GAS7: variants seen among roughly 807,000 people sequenced by gnomAD.
The protein encoded by GAS7 is growth arrest specific 7.
GAS7 carries 28 observed loss-of-function variants against 71.1 expected under a neutral mutation model. That is an observed-to-expected ratio of 0.39 (90% CI 0.29 to 0.54). The LOEUF (loss-of-function observed/expected upper bound fraction) is 0.54, where lower values mean the gene tolerates loss of function less well. Ranked by LOEUF, GAS7 falls within the 20% of genes least tolerant of loss-of-function variation. GAS7 has a pLI of 0.62. For missense variants in GAS7, 436 were observed against 627.8 expected (o/e 0.69, Z 3.27); for synonymous variants, 258 against 245.8 (o/e 1.05, Z -0.46).
At chr17:10,036,223 C>T (rs922253572) in intron 1 of GAS7, among the ~76,000 whole-genome samples, 3 of 151,882 alleles carry the variant, frequency 2.0e-5, no homozygotes, top group Non-Finnish European at 2.9e-5. Flanking sequence ...CAATGACCCA[C>T]GTCTTTTTTT....
chr17:10,017,323 C>CT (rs1209394276), intron 2 of GAS7, among the ~76,000 whole-genome samples: 8,330 of 141,996 alleles, frequency 0.059, 415 homozygotes, highest in African/African-American at 0.12. Context: ...TCATCTTCCA[C>CT]TTTTTTTTTT....
chr17:10,005,084 T>TGTGC (rs140102794), intron 2 of GAS7, among the ~76,000 whole-genome samples: 34,482 of 150,002 alleles, frequency 0.23, 6,269 homozygotes, highest in African/African-American at 0.52. Flanking sequence ...CATACATGCG[T>TGTGC]GTGTGCACGC....
chr17:10,043,319 A>T (rs1025092335), intron 1 of GAS7, among the ~76,000 whole-genome samples: 2 of 152,122 alleles, frequency 1.3e-5, no homozygotes, highest in Admixed American at 1.3e-4. Flanking sequence ...CTACATGGGG[A>T]ATGAACGATG....
chr17:10,155,251 G>A lies in GAS7; in HGVS notation c.183+42957C>T, dbSNP rs371818416. ...GGCTGGTCTCGAACTCCTGACCTCA[G>A]GTGATCCACCCATCTCGGCCTCCCA... On this transcript the variant is annotated intron_variant, in intron 1 of 13. Coordinates refer to ENST00000432992, the MANE Select transcript of GAS7 (RefSeq NM_201433.2). 1.2e-4 allele frequency among the ~76,000 whole-genome samples: 18 copies of A among 151,964 alleles called. 1 individual carries two copies. The highest frequency in any genetic ancestry group is 9.7e-4 in the East Asian group (5 of 5,180).
intron 1 of GAS7, among the ~76,000 whole-genome samples, chr17:10,064,471 G>C (rs973602806): frequency 6.6e-6 from 1 of 152,210 alleles, no homozygotes; most frequent in Non-Finnish European, 1.5e-5. Flanking sequence ...AGGTTTCCGG[G>C]AGCAAGTGGC....
intron 1 of GAS7, chr17:10,114,403 C>G (rs903318060): frequency 1.3e-4 from 20 of 152,156 alleles, no homozygotes; most frequent in African/African-American, 4.1e-4. Context: ...CTCTGCAAAT[C>G]TGAGCTGTAA....
chr17:9,990,324 G>A (rs2070792890), intron 2 of GAS7, among the ~76,000 whole-genome samples: 1 of 152,192 alleles, frequency 6.6e-6, no homozygotes, highest in Non-Finnish European at 1.5e-5. Flanking sequence ...AGGAGCCAAA[G>A]TTCCTTGCCA....
At chr17:10,129,546 A>G (rs1278102323) in intron 1 of GAS7, among the ~76,000 whole-genome samples, 1 of 152,210 alleles carries the variant, frequency 6.6e-6, no homozygotes, top group Non-Finnish European at 1.5e-5. Flanking sequence ...AACAAAACAA[A>G]AAAACTCTTC....
intron 1 of GAS7, among the ~76,000 whole-genome samples, chr17:10,196,238 C>G (rs899739959): frequency 2.0e-5 from 3 of 152,206 alleles, no homozygotes; most frequent in Non-Finnish European, 4.4e-5. Context: ...ACTCAGTCAT[C>G]TGAGCTGCTA....
At chr17:10,151,137 T>A (rs947699079) in intron 1 of GAS7, among the ~76,000 whole-genome samples, 3 of 152,204 alleles carry the variant, frequency 2.0e-5, no homozygotes, top group African/African-American at 7.2e-5. Flanking sequence ...CTTAAAAGCA[T>A]ATTTCCAGAT....
At chr17:9,993,882 A>G (rs1277350371) in intron 2 of GAS7, among the ~76,000 whole-genome samples, 1 of 152,194 alleles carries the variant, frequency 6.6e-6, no homozygotes, top group Non-Finnish European at 1.5e-5. Flanking sequence ...CTTATACACC[A>G]ATAACAGACA....
Position 10,047,362 on chromosome 17 carries a change from T to G in GAS7, c.184-27465A>C, listed in dbSNP as rs929247769. ...GCCAATTCGAAAACAGAAACTGGAC[T>G]GAGAGATGGGTGCACCATCGAACCC... On this transcript the variant is annotated intron_variant, in intron 1 of 13. Coordinates refer to ENST00000432992, the MANE Select transcript of GAS7 (RefSeq NM_201433.2). 6.6e-5 allele frequency among the ~76,000 whole-genome samples: 10 copies of G among 152,258 alleles called. No homozygotes were observed. The East Asian group carries it at 1.9e-3, about 29-fold the overall frequency.
intron 2 of GAS7, among the ~76,000 whole-genome samples, chr17:10,017,592 G>A (rs998022851): frequency 2.0e-5 from 3 of 152,162 alleles, no homozygotes; most frequent in Non-Finnish European, 4.4e-5. Context: ...GCCTCCCAAA[G>A]TGCTGGGATT....
intron 1 of GAS7, among the ~76,000 whole-genome samples, chr17:10,078,200 T>C (rs2152250243): frequency 6.6e-6 from 1 of 152,170 alleles, no homozygotes; most frequent in East Asian, 1.9e-4. Flanking sequence ...TGAGCAATCC[T>C]CCCACCTCAG....
chr17:10,181,001 C>A (rs1469715092), intron 1 of GAS7, among the ~76,000 whole-genome samples: 1 of 148,794 alleles, frequency 6.7e-6, no homozygotes, highest in East Asian at 2.0e-4. Flanking sequence ...AAAATTCCAA[C>A]CCAGTAGGGT....
At chr17:10,090,833 T>C (rs1335077919) in intron 1 of GAS7, among the ~76,000 whole-genome samples, 3 of 152,110 alleles carry the variant, frequency 2.0e-5, no homozygotes, top group Non-Finnish European at 4.4e-5. Context: ...CAGAACATGA[T>C]TACTCCAAGT....
chr17:10,057,843 T>C (rs938857820), intron 1 of GAS7, among the ~76,000 whole-genome samples: 4 of 152,208 alleles, frequency 2.6e-5, no homozygotes, highest in Non-Finnish European at 5.9e-5. Flanking sequence ...AGAAATCAGA[T>C]TGTTGCTGTG....
chr17:10,145,709 G>A lies in GAS7; in HGVS notation c.183+52499C>T, dbSNP rs192599603. 1.3e-4 allele frequency among the ~76,000 whole-genome samples: 20 copies of A among 152,282 alleles called. No individual in the cohort carries two copies. The East Asian group carries it at 1.3e-3, about 10-fold the overall frequency. Reference sequence around the variant, plus strand: ...AACGGACAGTATAGCTGGGCCAGGTGGGGGAGGTGGGCTTTAGGGGCCAGG... The same window carrying A: ...AACGGACAGTATAGCTGGGCCAGGTAGGGGAGGTGGGCTTTAGGGGCCAGG... On this transcript the variant is annotated intron_variant, in intron 1 of 13. Transcript: ENST00000432992.
chr17:9,950,916 A>G (rs1335031028), intron 5 of GAS7, among the ~76,000 whole-genome samples: 1 of 152,148 alleles, frequency 6.6e-6, no homozygotes, highest in African/African-American at 2.4e-5. Flanking sequence ...GATGGATTAA[A>G]AAAACAAAGG....
Sources: gnomAD v4.1 joint callset for allele counts (sites outside exome capture counted in the v4.1 genomes callset) on GRCh38, gnomAD v4.1.1 for gene constraint, MANE v1.5 for transcripts, NCBI Gene and HGNC (gene_info 2026-07-23, HGNC 2026-07-21) for gene names.